Variants in RAD52 observed in about 807,000 individuals in gnomAD.
RAD52 encodes the protein DNA repair protein RAD52 homolog.
In RAD52, 47 loss-of-function variants were observed where a neutral mutation model predicts 55.5. That is an observed-to-expected ratio of 0.85 (90% CI 0.67 to 1.08). The LOEUF is 1.08. Ranked by LOEUF, RAD52 falls within the 50% of genes least tolerant of loss-of-function variation. The pLI, the probability that RAD52 is intolerant of heterozygous loss-of-function variation, is 0.00. For missense variants in RAD52, 468 were observed against 522.8 expected, an observed-to-expected ratio of 0.90 and a Z score of 1.02; for synonymous variants, 184 against 198.9, an observed-to-expected ratio of 0.92 and a Z score of 0.63.
intron 3 of RAD52, 64 bp downstream of exon 3, chr12:931,156 A>G: frequency 7.5e-7 from 1 of 1,333,222 alleles, no homozygotes; most frequent in Non-Finnish European, 1.1e-6. Flanking sequence ...CAGAGAGGGA[A>G]CTGGCAAGAC....
intron 11 of RAD52, 83 bp from the exon 12 acceptor site, chr12:913,535 G>C: frequency 9.2e-7 from 1 of 1,081,794 alleles, no homozygotes. Context: ...TTATATTAAT[G>C]ATCCTAATTT....
rs73606354 is a variant in RAD52 at position 985,423 on chromosome 12, C to G, written c.-19+4386G>C. ...CCCACCAAAGTGCTGAGATTACAGG[C>G]ATAAAGCCACTGCACCTGGTCTCAA... On this transcript the variant is annotated intron_variant, in intron 1 of 11. Coordinates refer to the RAD52 transcript ENST00000430095. Among the ~76,000 whole-genome samples the G allele has an allele frequency of 4.5e-3, 682 of 152,262 alleles. 5 individuals are homozygous for G. Among genetic ancestry groups the G allele is most frequent in the African/African-American group, 0.016 (656 of 41,564 alleles).
intron 7 of RAD52, among the ~76,000 whole-genome samples, chr12:921,198 CA>C (rs1158256564): frequency 2.6e-5 from 4 of 151,310 alleles, no homozygotes; most frequent in Non-Finnish European, 5.9e-5. Flanking sequence ...CGCTATACCT[CA>C]AAGAACTAGA....
rs1371781926 is a variant in RAD52, at chr12:916,717, T to A, written c.647A>T (p.His216Leu). The A allele has an allele frequency of 6.2e-7, 1 of 1,614,120 alleles. No individual in the cohort carries two copies. Among genetic ancestry groups the A allele is most frequent in the Non-Finnish European group, 8.5e-7 (1 of 1,179,996 alleles). The change falls in exon 8 of 12, where the codon CAC (histidine) becomes CTC (leucine). Residue 216 changes from histidine to leucine, a missense_variant. Transcript: ENST00000358495. ...NSCRPNMALG[H>L]PQLQQVTSPS... ...GGAGGTCACCTGCTGCAGCTGTGGGTGTCCCAGGGCCATGTTCGGTCGGCA... is the reference window on the plus strand; with the variant it reads ...GGAGGTCACCTGCTGCAGCTGTGGGAGTCCCAGGGCCATGTTCGGTCGGCA...
At chr12:967,635 G>T (rs1056542404) in intron 1 of RAD52, among the ~76,000 whole-genome samples, 1 of 151,846 alleles carries the variant, frequency 6.6e-6, no homozygotes, top group Admixed American at 6.6e-5. Flanking sequence ...GTGTGACAGG[G>T]TCTCTGTCAC....
chr12:984,704 G>T (rs1306429367), intron 1 of RAD52, among the ~76,000 whole-genome samples: 1 of 147,512 alleles, frequency 6.8e-6, no homozygotes, highest in African/African-American at 2.5e-5. Flanking sequence ...TTGCTCTGTC[G>T]CCCAGGCTGG....
intron 1 of RAD52, among the ~76,000 whole-genome samples, chr12:977,811 A>G (rs746557011): frequency 2.6e-5 from 4 of 152,222 alleles, no homozygotes; most frequent in African/African-American, 7.2e-5. Context: ...AGGGAGCTGG[A>G]ATATTTATAC....
intron 1 of RAD52, among the ~76,000 whole-genome samples, chr12:985,188 T>C (rs1959070754): frequency 6.6e-6 from 1 of 152,218 alleles, no homozygotes. Context: ...TCACCTAGGC[T>C]AAAGTACAGT....
chr12:987,150 T>C (rs905048514), intron 1 of RAD52, among the ~76,000 whole-genome samples: 4 of 151,986 alleles, frequency 2.6e-5, no homozygotes, highest in African/African-American at 9.7e-5. Context: ...TTTGTATTTT[T>C]AGTAGAGACG....
intron 6 of RAD52, 94 bp downstream of exon 6, chr12:927,051 C>T (rs747750951): frequency 1.7e-4 from 258 of 1,512,240 alleles, no homozygotes; most frequent in Non-Finnish European, 2.3e-4. Flanking sequence ...ATTTTTGAAC[C>T]ATGTGGATGT....
chr12:917,779 A>G (rs1246182455), intron 7 of RAD52, among the ~76,000 whole-genome samples: 1 of 150,944 alleles, frequency 6.6e-6, no homozygotes, highest in Non-Finnish European at 1.5e-5. Context: ...ACAAAAAAAA[A>G]AAAAAAAAAA....
chr12:942,226 G>T (rs1360032229), intron 1 of RAD52, among the ~76,000 whole-genome samples: 7 of 152,308 alleles, frequency 4.6e-5, no homozygotes, highest in African/African-American at 1.7e-4. Context: ...GTAATTAAAA[G>T]TGTGGTACTA....
intron 1 of RAD52, chr12:977,037 G>A (rs1176803864): frequency 1.3e-5 from 2 of 152,430 alleles, no homozygotes; most frequent in African/African-American, 4.8e-5. Flanking sequence ...CACAGTCCTC[G>A]ATCCTTGTCT....
intron 1 of RAD52, among the ~76,000 whole-genome samples, chr12:955,100 G>C (rs1958586244): frequency 6.6e-6 from 1 of 152,328 alleles, no homozygotes; most frequent in East Asian, 1.9e-4. Context: ...TTAAAGGTAA[G>C]TATTCTTAAG....
chr12:982,419 C>G (rs1959029500), intron 1 of RAD52, among the ~76,000 whole-genome samples: 1 of 152,204 alleles, frequency 6.6e-6, no homozygotes, highest in South Asian at 2.1e-4. Flanking sequence ...CCAAAAGAAG[C>G]TAGGCCATAC....
chr12:960,987 C>T (rs1958674387), intron 1 of RAD52, among the ~76,000 whole-genome samples: 1 of 151,928 alleles, frequency 6.6e-6, no homozygotes, highest in South Asian at 2.1e-4. Context: ...CACTCCAACA[C>T]ATAGAGGCAA....
intron 1 of RAD52, among the ~76,000 whole-genome samples, chr12:981,643 G>C (rs950684083): frequency 1.6e-4 from 25 of 151,948 alleles, no homozygotes; most frequent in Non-Finnish European, 2.9e-4. Flanking sequence ...TGTAATCCCA[G>C]CTACTCAGGA....
At chr12:914,214 TTCAG>T (rs1956237718) in intron 10 of RAD52, 93 bp from the exon 11 acceptor site, 1 of 1,319,140 alleles carries the variant, frequency 7.6e-7, no homozygotes, top group African/African-American at 1.5e-5. Flanking sequence ...ATTCCATGTC[TTCAG>T]TACCTTCTGA....
intron 1 of RAD52, among the ~76,000 whole-genome samples, chr12:985,894 C>T (rs575446731): frequency 2.6e-5 from 4 of 151,840 alleles, no homozygotes; most frequent in African/African-American, 9.7e-5. Flanking sequence ...CCCGCCTTGG[C>T]CTCCCAAAGT....
Sources: allele counts gnomAD v4.1 joint callset (sites outside exome capture counted in the v4.1 genomes callset), GRCh38; gene constraint gnomAD v4.1.1; transcripts MANE v1.5; gene names NCBI Gene and HGNC (gene_info 2026-07-23, HGNC 2026-07-21).